SCD5: variants seen among roughly 807,000 people sequenced by gnomAD.
SCD5 encodes the protein stearoyl-CoA desaturase 5.
A neutral mutation model predicts 30.4 loss-of-function variants in SCD5; 20 were observed. That is an observed-to-expected ratio of 0.66 (90% CI 0.46 to 0.96). The LOEUF is 0.96. Ranked by LOEUF, SCD5 falls within the 40% of genes least tolerant of loss-of-function variation. The pLI is 0.00. For missense variants in SCD5, 381 were observed against 443.3 expected (o/e 0.86, Z 1.26); for synonymous variants, 173 against 176.4 (o/e 0.98, Z 0.16).
chr4:82,670,808 C>G (rs1041308268), intron 3 of SCD5, among the ~76,000 whole-genome samples: 14 of 151,280 alleles, frequency 9.3e-5, no homozygotes, highest in Non-Finnish European at 1.8e-4. Context: ...AATTCCATAT[C>G]AATTGATATG....
intron 1 of SCD5, among the ~76,000 whole-genome samples, chr4:82,766,947 G>A (rs1425998031): frequency 6.6e-6 from 1 of 151,846 alleles, no homozygotes; most frequent in Non-Finnish European, 1.5e-5. Context: ...CAAAGTGCTG[G>A]GATTACAGGC....
intron 1 of SCD5, among the ~76,000 whole-genome samples, chr4:82,716,215 A>G (rs4693496): frequency 0.23 from 34,985 of 151,572 alleles, 4,691 homozygotes; most frequent in Middle Eastern, 0.35. Flanking sequence ...TTTACTAGGC[A>G]TGGGAATCAA....
chr4:82,773,253 G>T (rs1721668564), intron 1 of SCD5, among the ~76,000 whole-genome samples: 1 of 152,184 alleles, frequency 6.6e-6, no homozygotes, highest in Non-Finnish European at 1.5e-5. Context: ...CGACATAGTT[G>T]CAACAAGGAT....
intron 3 of SCD5, among the ~76,000 whole-genome samples, chr4:82,667,750 G>GA (rs1222829385): frequency 6.6e-6 from 1 of 151,870 alleles, no homozygotes; most frequent in Non-Finnish European, 1.5e-5. Context: ...TTATTCAAAG[G>GA]AAAAAAATAA....
chr4:82,702,888 AGTTCTAGTTCT>A (rs1171938435), intron 2 of SCD5, among the ~76,000 whole-genome samples: 1 of 152,204 alleles, frequency 6.6e-6, no homozygotes, highest in East Asian at 1.9e-4. Flanking sequence ...GACACTGACT[AGTTCTAGTTCT>A]GTTCTAGTTC....
At chr4:82,685,644 CA>C (rs1395467874) in intron 2 of SCD5, among the ~76,000 whole-genome samples, 10 of 32,312 alleles carry the variant, frequency 3.1e-4, no homozygotes, top group South Asian at 1.6e-3. Context: ...ACCTGGAAGG[CA>C]GACATTGCAG....
chr4:82,666,071 G>C (rs1438227416), intron 3 of SCD5, among the ~76,000 whole-genome samples: 1 of 151,602 alleles, frequency 6.6e-6, no homozygotes, highest in Non-Finnish European at 1.5e-5. Context: ...AGAGCTGCGG[G>C]GTTATAGAAA....
rs767346516 is a variant in SCD5, at chr4:82,798,503, G to A, written c.35C>T (p.Pro12Leu). 1.1e-5 allele frequency: 17 copies of A among 1,608,974 alleles called. No homozygotes were observed. In the South Asian group the frequency reaches 1.6e-4, roughly 15 times the overall value. Residue 12 changes from proline to leucine, a missense_variant, in exon 1 of 5, where the codon CCT becomes CTT. Physicochemically the swap from Pro to Leu is moderately conservative, Grantham distance 98. Coordinates refer to ENST00000319540, the MANE Select transcript of SCD5 (RefSeq NM_001037582.3). Reference protein sequence around the residue: ...PGPATDAGKIPFCDAKEEIRA... With the variant: ...PGPATDAGKILFCDAKEEIRA... ...GATTTCTTCCTTGGCGTCGCAGAAA[G>A]GGATCTTCCCCGCGTCGGTGGCCGG...
At chr4:82,694,678 G>A (rs1349436488) in intron 2 of SCD5, among the ~76,000 whole-genome samples, 5 of 151,968 alleles carry the variant, frequency 3.3e-5, no homozygotes, top group Admixed American at 2.6e-4. Flanking sequence ...GAAAAAAAAA[G>A]AAAATCATAA....
chr4:82,659,153 T>G (rs1303271634), intron 3 of SCD5, among the ~76,000 whole-genome samples: 1 of 152,316 alleles, frequency 6.6e-6, no homozygotes, highest in African/African-American at 2.4e-5. Flanking sequence ...TGATGGTAGT[T>G]TGTATTTCTG....
rs369691186 is a variant in SCD5 at position 82,768,418 on chromosome 4, T to A, written c.232+29888A>T. Among the ~76,000 whole-genome samples the A allele has an allele frequency of 1.7e-4, 26 of 152,096 alleles. No individual in the cohort carries two copies. In the East Asian group the frequency reaches 4.1e-3, roughly 24 times the overall value. ...TTCAAAATAAGGAACAATATTCTAG[T>A]AAGTTAAAAAAAAGTCTGACCAAAA... is the stretch of plus-strand genomic sequence containing the variant. On this transcript the variant is annotated intron_variant, in intron 1 of 4. Coordinates refer to ENST00000319540, the MANE Select transcript of SCD5 (RefSeq NM_001037582.3).
chr4:82,681,593 G>A (rs894656992), intron 2 of SCD5, among the ~76,000 whole-genome samples: 3 of 152,092 alleles, frequency 2.0e-5, no homozygotes, highest in Non-Finnish European at 4.4e-5. Flanking sequence ...AGAACACATG[G>A]ACACATAGGG....
rs562585228 is a variant in SCD5 at position 82,761,820 on chromosome 4, A to C, written c.232+36486T>G. ...TGTTCAATTCCCACCTATGAGTGAG[A>C]ATATAGCCCCAGCCTCGTTTCTAAT... is the stretch of plus-strand genomic sequence containing the variant. On this transcript the variant is annotated intron_variant, in intron 1 of 4. Coordinates refer to ENST00000319540, the MANE Select transcript of SCD5 (RefSeq NM_001037582.3). Among the ~76,000 whole-genome samples the C allele has an allele frequency of 9.3e-5, 14 of 150,834 alleles. No individual in the cohort carries two copies. The East Asian group carries it at 2.8e-3, about 30-fold the overall frequency.
At chr4:82,795,512 T>C (rs952329797) in intron 1 of SCD5, among the ~76,000 whole-genome samples, 7 of 152,162 alleles carry the variant, frequency 4.6e-5, no homozygotes, top group Non-Finnish European at 1.0e-4. Flanking sequence ...TGGTCTCTGA[T>C]TGTCCCTCAT....
intron 1 of SCD5, among the ~76,000 whole-genome samples, chr4:82,790,516 C>G (rs1161819300): frequency 3.3e-5 from 5 of 152,176 alleles, no homozygotes; most frequent in Non-Finnish European, 7.4e-5. Flanking sequence ...CCACGACCAG[C>G]CCTGCACCTC....
intron 1 of SCD5, among the ~76,000 whole-genome samples, chr4:82,759,883 G>A (rs1423622394): frequency 6.6e-6 from 1 of 152,070 alleles, no homozygotes; most frequent in Non-Finnish European, 1.5e-5. Context: ...TCTCTTAAAG[G>A]TAATAATTCC....
chr4:82,788,588 G>A (rs574995120), intron 1 of SCD5, among the ~76,000 whole-genome samples: 1 of 152,084 alleles, frequency 6.6e-6, no homozygotes, highest in South Asian at 2.1e-4. Context: ...AAGGGGTTTC[G>A]TTATGTTGGC....
intron 3 of SCD5, among the ~76,000 whole-genome samples, chr4:82,670,755 T>TGGCAAATATCAATTCCATATCAATTGAC (rs1560529678): frequency 7.0e-6 from 1 of 143,516 alleles, no homozygotes; most frequent in African/African-American, 2.6e-5. Flanking sequence ...TGTCAATTGA[T>TGGCAAATATCAATTCCATATCAATTGAC]ATGGCAAATA....
chr4:82,778,678 G>A lies in SCD5; in HGVS notation c.232+19628C>T, dbSNP rs1242300204. Among the ~76,000 whole-genome samples the A allele has an allele frequency of 5.9e-5, 9 of 152,264 alleles. No homozygotes were observed. In the East Asian group the frequency reaches 1.5e-3, roughly 26 times the overall value. On this transcript the variant is annotated intron_variant, in intron 1 of 4. Transcript: ENST00000319540. ...AAAGAAAGCCTTTAAATAACTGGGC[G>A]TTTCTGTCCAGGTAGTACCTATGAT...
Sources: allele counts gnomAD v4.1 joint callset (sites outside exome capture counted in the v4.1 genomes callset), GRCh38; gene constraint gnomAD v4.1.1; transcripts MANE v1.5; gene names NCBI Gene and HGNC (gene_info 2026-07-23, HGNC 2026-07-21).